Variants in MAP7 observed in about 807,000 individuals in gnomAD.
The protein encoded by MAP7 is microtubule associated protein 7.
A neutral mutation model predicts 94.8 loss-of-function variants in MAP7; 52 were observed. That is an observed-to-expected ratio of 0.55 (90% confidence interval 0.44 to 0.69). MAP7 has a LOEUF of 0.69. MAP7 is among the 30% of genes least tolerant of loss of function. The pLI, the probability that MAP7 is intolerant of heterozygous loss-of-function variation, is 0.00. For missense variants in MAP7, 940 were observed against 964.6 expected (o/e 0.97, Z 0.34); for synonymous variants, 350 against 357.0 (o/e 0.98, Z 0.22).
chr6:136,498,247 A>G (rs992172094), intron 1 of MAP7, among the ~76,000 whole-genome samples: 3 of 152,060 alleles, frequency 2.0e-5, no homozygotes, highest in African/African-American at 7.3e-5. Flanking sequence ...TGTAAAGTTA[A>G]ACCCATCTGC....
At chr6:136,406,198 T>A (rs1040619594) in intron 3 of MAP7, among the ~76,000 whole-genome samples, 7 of 152,182 alleles carry the variant, frequency 4.6e-5, no homozygotes, top group African/African-American at 1.7e-4. Context: ...AAGACAGAAT[T>A]ACTCTTAATG....
intron 1 of MAP7, among the ~76,000 whole-genome samples, chr6:136,477,582 G>A (rs1428577835): frequency 2.6e-5 from 4 of 152,180 alleles, no homozygotes; most frequent in Non-Finnish European, 5.9e-5. Context: ...ATTATTTAAT[G>A]ATAAAGGAGT....
In MAP7 at chr6:136,346,095, A is replaced by C. The variant is rs759166559; in HGVS notation, c.2016-16T>G. 6.6e-7 allele frequency: 1 copy of C among 1,522,078 alleles called. No individual in the cohort carries two copies. Among genetic ancestry groups the C allele is most frequent in the Non-Finnish European group, 9.0e-7 (1 of 1,106,350 alleles). 94.3% of individuals were successfully genotyped at this position (1,522,078 alleles called of 1,614,324 possible). On this transcript the variant is annotated splice_polypyrimidine_tract_variant and intron_variant, in intron 16 of 17. Coordinates refer to ENST00000354570, the MANE Select transcript of MAP7 (RefSeq NM_003980.6). ...ATCGGGAGTGCTAAGGAATTTGAAAAATAAAAATAGAAATAAGTTAGTCTT... is the reference window on the plus strand; with the variant it reads ...ATCGGGAGTGCTAAGGAATTTGAAACATAAAAATAGAAATAAGTTAGTCTT...
intron 1 of MAP7, among the ~76,000 whole-genome samples, chr6:136,471,102 T>C (rs931396970): frequency 2.6e-5 from 4 of 152,240 alleles, no homozygotes; most frequent in Admixed American, 6.5e-5. Context: ...TTTATGGTTA[T>C]AGAAAAGTAA....
Position 136,397,763 on chromosome 6 carries a change from T to C in MAP7, c.245-8246A>G, listed in dbSNP as rs1782932217. On this transcript the variant is annotated intron_variant, in intron 3 of 17. Coordinates refer to ENST00000354570, the MANE Select transcript of MAP7 (RefSeq NM_003980.6). ...GAAAATAAATTTCTGTTGTTTAAGC[T>C]ACCCAGTCTATGGTATTTTGTTATG... Among the ~76,000 whole-genome samples, 3 of 152,132 alleles carry C rather than the reference T, an allele frequency of 2.0e-5. No individual in the cohort carries two copies. The South Asian group carries it at 6.2e-4, about 31-fold the overall frequency.
Position 136,361,151 on chromosome 6 carries a change from C to T in MAP7, c.1555G>A (p.Val519Met), listed in dbSNP as rs1192131813. 2 of 1,604,312 alleles carry T rather than the reference C, an allele frequency of 1.2e-6. No homozygotes were observed. The highest frequency in any genetic ancestry group is 2.7e-5 in the African/African-American group (2 of 74,952). ...RQKREELAQR[V>M]AEERTTRREE... The stretch of plus-strand genomic sequence containing the variant: ...CGGCGAGTCGTCCTCTCTTCAGCCA[C>T]ACGTTGAGCCAATTCCTCTCTCTTT... The change falls in exon 12 of 18, where the codon GTG becomes ATG. Residue 519 changes from valine (V) to methionine (M), a missense_variant. Transcript: ENST00000354570.
chr6:136,366,362 A>G lies in MAP7; in HGVS notation c.954T>C (p.Asn318=), dbSNP rs1794322727. ...AGCGAGCTGGTTGTCTTGCTTTGGG[A>G]TTAGATGGAGATACAGCCCTTCGGG... The part of the protein sequence containing the change: ...SGTRRAVSPS[N]PKARQPARSR... Residue 318 remains asparagine, a synonymous_variant, in exon 9 of 18, where the codon AAT becomes AAC. Coordinates refer to ENST00000354570, the MANE Select transcript of MAP7 (RefSeq NM_003980.6). The G allele has an allele frequency of 1.2e-6, 2 of 1,614,164 alleles. No homozygotes were observed. The highest frequency in any genetic ancestry group is 1.3e-5 in the African/African-American group (1 of 75,042).
chr6:136,526,264 C>T (rs1827834563), intron 1 of MAP7: 20 of 1,113,920 alleles, frequency 1.8e-5, no homozygotes, highest in Non-Finnish European at 1.9e-5. Flanking sequence ...CATGCATGCA[C>T]GTACACGCGC....
intron 1 of MAP7, among the ~76,000 whole-genome samples, chr6:136,456,299 T>C (rs1206287804): frequency 6.6e-6 from 1 of 152,060 alleles, no homozygotes; most frequent in African/African-American, 2.4e-5. Context: ...AAAACAAAAA[T>C]ACAACATGCC....
chr6:136,386,427 G>A (rs939204906), intron 5 of MAP7, among the ~76,000 whole-genome samples: 9 of 152,146 alleles, frequency 5.9e-5, no homozygotes, highest in African/African-American at 2.2e-4. Context: ...CTCTTGTTCT[G>A]AGTGGCAGAA....
chr6:136,347,105 C>G (rs1439496893), intron 16 of MAP7, among the ~76,000 whole-genome samples: 2 of 148,302 alleles, frequency 1.3e-5, no homozygotes, highest in Non-Finnish European at 3.0e-5. Context: ...GATTACCACT[C>G]TCTGTTATAG....
chr6:136,457,344 CA>C (rs1452322027), intron 1 of MAP7, among the ~76,000 whole-genome samples: 2 of 151,190 alleles, frequency 1.3e-5, no homozygotes, highest in Non-Finnish European at 2.9e-5. Flanking sequence ...TCCCCTGCCC[CA>C]AAAAAGCTCA....
rs1787057855 is a variant in MAP7, at chr6:136,344,138, G to A, written c.*90C>T. ...TGGTCAAGAACTCTAGAAAACGGGT[G>A]GAGGGGATGCTCCTTTATAGCAGGA... On this transcript the variant is annotated 3_prime_UTR_variant, in exon 18 of 18. Transcript: ENST00000354570. 5.4e-6 allele frequency: 3 copies of A among 551,706 alleles called. No individual in the cohort carries two copies. Among genetic ancestry groups the A allele is most frequent in the Non-Finnish European group, 8.8e-6 (3 of 341,700 alleles). 34.2% of individuals were successfully genotyped at this position (551,706 alleles called of 1,614,324 possible).
chr6:136,409,852 C>T (rs1786878690), intron 3 of MAP7, among the ~76,000 whole-genome samples: 1 of 152,168 alleles, frequency 6.6e-6, no homozygotes, highest in Admixed American at 6.5e-5. Flanking sequence ...ATATATGGCA[C>T]ATACAGTGTT....
chr6:136,397,979 TC>T (rs1161446628), intron 3 of MAP7, among the ~76,000 whole-genome samples: 1 of 152,108 alleles, frequency 6.6e-6, no homozygotes, highest in Non-Finnish European at 1.5e-5. Flanking sequence ...GAAGTGAAAA[TC>T]CACTGTAGCC....
At position 136,449,234 on chromosome 6, in the gene MAP7, G is replaced by A. The variant is rs1386466506; in HGVS notation, c.68-27435C>T. ...GGCGTGAACCCAGGAGGCGGAGCTC[G>A]CAGTGAGCAGAGATCGCACCACTAC... is the stretch of plus-strand genomic sequence containing the variant. On this transcript the variant is annotated intron_variant, in intron 1 of 17. Transcript: ENST00000354570. Among the ~76,000 whole-genome samples the A allele has an allele frequency of 3.3e-5, 5 of 152,142 alleles. 1 individual carries two copies. The highest frequency in any genetic ancestry group is 4.1e-4 in the South Asian group (2 of 4,834).
intron 1 of MAP7, among the ~76,000 whole-genome samples, chr6:136,516,938 A>G (rs566612830): frequency 1.3e-5 from 2 of 151,392 alleles, no homozygotes; most frequent in African/African-American, 4.9e-5. Context: ...ACGAGCGCAC[A>G]TGCACACCCC....
At chr6:136,380,151 T>G (rs978002568) in intron 6 of MAP7, among the ~76,000 whole-genome samples, 6 of 152,170 alleles carry the variant, frequency 3.9e-5, no homozygotes, top group African/African-American at 1.2e-4. Context: ...TATTGACAAT[T>G]TCCATTATAG....
At chr6:136,353,678 C>G (rs1789893806) in intron 16 of MAP7, among the ~76,000 whole-genome samples, 1 of 152,126 alleles carries the variant, frequency 6.6e-6, no homozygotes, top group Non-Finnish European at 1.5e-5. Context: ...CTCAGCCCCC[C>G]AAGTAGCTGG....
Sources: gnomAD v4.1 joint callset for allele counts (sites outside exome capture counted in the v4.1 genomes callset) on GRCh38, gnomAD v4.1.1 for gene constraint, MANE v1.5 for transcripts, NCBI Gene and HGNC (gene_info 2026-07-23, HGNC 2026-07-21) for gene names.